The following FOXP2 variants were observed in gnomAD, a reference collection of about 807,000 sequenced individuals.
FOXP2 encodes forkhead box protein P2.
FOXP2 carries 12 observed loss-of-function variants against 115.8 expected under a neutral mutation model. The ratio of observed to expected loss-of-function variants is 0.10; its 90% CI spans 0.07 to 0.17. FOXP2 has a LOEUF of 0.17. Among genes scored for constraint, FOXP2 ranks in the 10% least tolerant of loss-of-function variants. The pLI is 1.00. For synonymous variants in FOXP2, 328 were observed against 297.7 expected, an observed-to-expected ratio of 1.10 and a Z score of -1.05; for missense variants, 629 against 843.5, an observed-to-expected ratio of 0.75 and a Z score of 3.15.
In FOXP2 at chr7:114,647,099, G is replaced by A. The variant is rs35524735; in HGVS notation, c.1094+2310G>A. On this transcript the variant is annotated intron_variant, in intron 8 of 16. Transcript: ENST00000350908. ...TTGTGCATTTTTAGTTCTAGTATAC[G>A]CTAGAAATAAATTTTACAGCTTCGA... 3.6e-4 allele frequency among the ~76,000 whole-genome samples: 55 copies of A among 151,752 alleles called. 1 individual carries two copies. Among genetic ancestry groups the A allele is most frequent in the South Asian group, 1.0e-3 (5 of 4,806 alleles).
intron 1 of FOXP2, among the ~76,000 whole-genome samples, chr7:114,233,479 G>T (rs1181053624): frequency 6.6e-6 from 1 of 152,190 alleles, no homozygotes; most frequent in Non-Finnish European, 1.5e-5. Context: ...TGACATCATT[G>T]ATCAAGAACA....
At chr7:114,514,197 G>A (rs1405462075) in intron 2 of FOXP2, among the ~76,000 whole-genome samples, 1 of 151,800 alleles carries the variant, frequency 6.6e-6, no homozygotes, top group African/African-American at 2.4e-5. Context: ...ATATAGGTAT[G>A]CATTGCAGAA....
At chr7:114,332,979 G>A (rs960569518) in intron 2 of FOXP2, among the ~76,000 whole-genome samples, 1 of 152,044 alleles carries the variant, frequency 6.6e-6, no homozygotes, top group African/African-American at 2.4e-5. Context: ...ACTGAAGAAC[G>A]TATGGAAGAT....
intron 1 of FOXP2, among the ~76,000 whole-genome samples, chr7:114,105,993 C>T (rs1487222885): frequency 6.6e-6 from 1 of 151,998 alleles, no homozygotes. Context: ...GAAACGATGT[C>T]TTCTGTTGCT....
intron 2 of FOXP2, among the ~76,000 whole-genome samples, chr7:114,394,394 TACACACAC>T (rs147854196): frequency 2.0e-5 from 3 of 146,564 alleles, no homozygotes; most frequent in African/African-American, 5.0e-5. Flanking sequence ...TATGAATCTA[TACACACAC>T]ACACACACAC....
chr7:114,185,737 C>T (rs1793577464), intron 1 of FOXP2, among the ~76,000 whole-genome samples: 1 of 152,094 alleles, frequency 6.6e-6, no homozygotes, highest in Non-Finnish European at 1.5e-5. Flanking sequence ...AGGTTCTTTG[C>T]CTCCAAAGGT....
chr7:114,100,932 C>G, intron 1 of FOXP2, among the ~76,000 whole-genome samples: 1 of 152,122 alleles, frequency 6.6e-6, no homozygotes, highest in African/African-American at 2.4e-5. Flanking sequence ...CACAGATTGT[C>G]AACTGTGAAG....
intron 3 of FOXP2, among the ~76,000 whole-genome samples, chr7:114,618,750 T>C (rs1332183191): frequency 6.6e-6 from 1 of 152,184 alleles, no homozygotes; most frequent in African/African-American, 2.4e-5. Context: ...TCCTCAATCT[T>C]TTTAATGTTT....
intron 1 of FOXP2, among the ~76,000 whole-genome samples, chr7:114,191,411 G>A (rs1793757227): frequency 6.6e-6 from 1 of 152,072 alleles, no homozygotes; most frequent in Non-Finnish European, 1.5e-5. Context: ...ATACCTATTT[G>A]TTCTACACCT....
chr7:114,403,212 C>T (rs1792935888), intron 2 of FOXP2, among the ~76,000 whole-genome samples: 1 of 152,110 alleles, frequency 6.6e-6, no homozygotes, highest in South Asian at 2.1e-4. Flanking sequence ...TGCATAAAAA[C>T]ACTAATGGCC....
chr7:114,558,648 A>G (rs1020427997), intron 3 of FOXP2, among the ~76,000 whole-genome samples: 2 of 152,118 alleles, frequency 1.3e-5, no homozygotes, highest in African/African-American at 4.8e-5. Context: ...AATGTTCTTC[A>G]TCTTTACCCC....
intron 2 of FOXP2, among the ~76,000 whole-genome samples, chr7:114,352,219 G>T (rs561972721): frequency 2.3e-4 from 35 of 152,002 alleles, no homozygotes; most frequent in African/African-American, 8.2e-4. Context: ...ATGAGCCATG[G>T]TCACACCACT....
At chr7:114,430,608 G>C (rs927350721) in intron 2 of FOXP2, among the ~76,000 whole-genome samples, 2 of 151,694 alleles carry the variant, frequency 1.3e-5, no homozygotes, top group Non-Finnish European at 3.0e-5. Context: ...ATTAATTGAT[G>C]ATATTTTCCT....
intron 2 of FOXP2, among the ~76,000 whole-genome samples, chr7:114,528,739 C>A: frequency 6.6e-6 from 1 of 150,878 alleles, no homozygotes. Flanking sequence ...GTCTTCAATA[C>A]ATATCCAAAC....
At chr7:114,486,555 T>G (rs539597851) in intron 2 of FOXP2, among the ~76,000 whole-genome samples, 1 of 152,268 alleles carries the variant, frequency 6.6e-6, no homozygotes, top group South Asian at 2.1e-4. Flanking sequence ...TTAACTCATT[T>G]CAGCATTAAC....
At chr7:114,551,698 AAGAG>A (rs201334196) in intron 3 of FOXP2, among the ~76,000 whole-genome samples, 3 of 149,622 alleles carry the variant, frequency 2.0e-5, no homozygotes, top group African/African-American at 5.1e-5. Flanking sequence ...TTTTTAAAAA[AAGAG>A]AGAGAAAAAT....
chr7:114,603,151 A>G (rs1276792700), intron 3 of FOXP2, among the ~76,000 whole-genome samples: 11 of 152,158 alleles, frequency 7.2e-5, no homozygotes, highest in Non-Finnish European at 1.3e-4. Context: ...TCAATGCCAA[A>G]GAGCAACTGG....
intron 2 of FOXP2, among the ~76,000 whole-genome samples, chr7:114,430,848 A>G (rs1286766902): frequency 2.0e-5 from 3 of 151,918 alleles, no homozygotes; most frequent in African/African-American, 4.8e-5. Flanking sequence ...CTACCAAAAT[A>G]CTAGGTGTTT....
chr7:114,148,824 A>G (rs1792454588), intron 1 of FOXP2, among the ~76,000 whole-genome samples: 1 of 152,110 alleles, frequency 6.6e-6, no homozygotes, highest in African/African-American at 2.4e-5. Context: ...AATATGCCAC[A>G]TCTGTCTTCT....
Sources: allele counts gnomAD v4.1 joint callset (sites outside exome capture counted in the v4.1 genomes callset), GRCh38; gene constraint gnomAD v4.1.1; transcripts MANE v1.5; gene names NCBI Gene and HGNC (gene_info 2026-07-23, HGNC 2026-07-21).